The following C10orf90 variants were observed in gnomAD, a reference collection of about 807,000 sequenced individuals.
C10orf90 encodes chromosome 10 open reading frame 90, also known as (E2-independent) E3 ubiquitin-conjugating enzyme FATS.
C10orf90 carries 56 observed loss-of-function variants against 62.5 expected under a neutral mutation model. The observed-to-expected ratio is 0.90, with a 90% CI of 0.72 to 1.12. The LOEUF is 1.12. Among genes scored for constraint, C10orf90 ranks in the 50% most tolerant of loss-of-function variants. C10orf90 has a pLI of 0.00. For synonymous variants in C10orf90, 386 were observed against 340.4 expected (o/e 1.13, Z -1.47); for missense variants, 970 against 880.4 (o/e 1.10, Z -1.29).
chr10:126,659,530 T>C (rs756380935), intron 1 of C10orf90, among the ~76,000 whole-genome samples: 22 of 152,236 alleles, frequency 1.4e-4, no homozygotes, highest in Non-Finnish European at 3.1e-4. Context: ...CTCTAATACG[T>C]TATTATTCCT....
At chr10:126,487,607 G>A (rs935321507) in intron 4 of C10orf90, among the ~76,000 whole-genome samples, 1 of 152,116 alleles carries the variant, frequency 6.6e-6, no homozygotes, top group Admixed American at 6.5e-5. Context: ...GTAAAACAAA[G>A]ATGTTTTTAG....
intron 2 of C10orf90, among the ~76,000 whole-genome samples, chr10:126,620,743 GAA>G (rs35028354): frequency 9.6e-5 from 13 of 135,334 alleles, no homozygotes; most frequent in Non-Finnish European, 9.6e-5. Context: ...GTGGGGGCTA[GAA>G]AAAAAAAAAA....
At chr10:126,552,253 C>T (rs1864651674) in intron 2 of C10orf90, among the ~76,000 whole-genome samples, 1 of 152,142 alleles carries the variant, frequency 6.6e-6, no homozygotes, top group East Asian at 1.9e-4. Context: ...ATGTAGTATA[C>T]ACTCAATAAA....
At chr10:126,618,310 G>A (rs1182281969) in intron 2 of C10orf90, among the ~76,000 whole-genome samples, 5 of 152,156 alleles carry the variant, frequency 3.3e-5, no homozygotes, top group African/African-American at 1.2e-4. Context: ...AAAAAGATAT[G>A]CTGTTTTTAT....
chr10:126,588,544 G>A (rs1251724732), intron 2 of C10orf90, among the ~76,000 whole-genome samples: 1 of 152,214 alleles, frequency 6.6e-6, no homozygotes, highest in African/African-American at 2.4e-5. Flanking sequence ...GGGAGGGACA[G>A]AGGCAACTAG....
chr10:126,618,775 T>C (rs1845590106), intron 2 of C10orf90, among the ~76,000 whole-genome samples: 1 of 152,220 alleles, frequency 6.6e-6, no homozygotes, highest in African/African-American at 2.4e-5. Flanking sequence ...CTTCCACTCC[T>C]CGTTCCCATC....
chr10:126,501,945 ACACACACACACACCACATATACAC>A (rs1183147264), intron 4 of C10orf90, among the ~76,000 whole-genome samples: 1 of 150,986 alleles, frequency 6.6e-6, no homozygotes, highest in East Asian at 1.9e-4. Context: ...AGGGATAAAC[ACACACACACACACCACATATACAC>A]CACACACACA....
intron 2 of C10orf90, among the ~76,000 whole-genome samples, chr10:126,558,049 C>T (rs1864818821): frequency 6.6e-6 from 1 of 152,190 alleles, no homozygotes; most frequent in East Asian, 1.9e-4. Context: ...ATCCTCTTCA[C>T]TCTCCAGGCC....
intron 4 of C10orf90, among the ~76,000 whole-genome samples, chr10:126,474,411 A>G (rs1860748223): frequency 6.6e-6 from 1 of 152,234 alleles, no homozygotes; most frequent in Non-Finnish European, 1.5e-5. Flanking sequence ...AACAAGAATA[A>G]GAACAAACAA....
At chr10:126,624,527 GC>G (rs1441893996) in intron 2 of C10orf90, among the ~76,000 whole-genome samples, 1 of 152,166 alleles carries the variant, frequency 6.6e-6, no homozygotes, top group Non-Finnish European at 1.5e-5. Context: ...TGCTAAAAAG[GC>G]TAAGAACCAG....
intron 2 of C10orf90, among the ~76,000 whole-genome samples, chr10:126,636,251 C>T (rs887769483): frequency 1.3e-5 from 2 of 152,086 alleles, no homozygotes; most frequent in Non-Finnish European, 2.9e-5. Flanking sequence ...AACAATGACC[C>T]CTCACACGTG....
chr10:126,565,270 ATATATTATAT>A (rs1440995960), intron 2 of C10orf90, among the ~76,000 whole-genome samples: 1 of 72,494 alleles, frequency 1.4e-5, no homozygotes, highest in Non-Finnish European at 2.4e-5. Flanking sequence ...TATTTATATT[ATATATTATAT>A]TATATATTAT....
At chr10:126,637,110 T>A (rs985235949) in intron 2 of C10orf90, among the ~76,000 whole-genome samples, 1 of 152,096 alleles carries the variant, frequency 6.6e-6, no homozygotes, top group Admixed American at 6.5e-5. Flanking sequence ...TAAGCCCAAC[T>A]TGGACTTCTG....
At chr10:126,511,757 G>T (rs1433718692) in intron 3 of C10orf90, among the ~76,000 whole-genome samples, 1 of 152,130 alleles carries the variant, frequency 6.6e-6, no homozygotes, top group Admixed American at 6.5e-5. Context: ...ATGTTAAAAT[G>T]CTGGGGAAAA....
chr10:126,646,708 A>C, intron 1 of C10orf90, 71 bp from the exon 2 acceptor site: 1 of 328,976 alleles, frequency 3.0e-6, no homozygotes, highest in East Asian at 9.9e-5. Context: ...TTAATAATGT[A>C]CATTATTTTT....
chr10:126,451,172 C>G (rs900564942), intron 7 of C10orf90, among the ~76,000 whole-genome samples: 2 of 152,034 alleles, frequency 1.3e-5, no homozygotes, highest in Admixed American at 6.6e-5. Context: ...TGGCTATTAT[C>G]AAAGACAAAC....
At position 126,504,880 on chromosome 10, in the gene C10orf90, A is replaced by G. The variant is rs750830790; in HGVS notation, c.611T>C (p.Leu204Ser). ...CTCATCTGACGGTGCCGGGATTCCT[A>G]ATCTGCCCGGAAGTAACGCAAATGC... ...HRAFALLPGR[L>S]GIPAPSDERG... The change falls in exon 4 of 10, where the codon TTA becomes TCA. Residue 204 changes from leucine to serine, a missense_variant. Transcript: ENST00000488181. The surrounding 1 kb of genome is among the most constrained non-coding windows in gnomAD (Gnocchi z 4.1). 153 of 1,613,932 alleles carry G rather than the reference A, an allele frequency of 9.5e-5. 1 individual carries two copies. The South Asian group carries it at 1.6e-3, about 17-fold the overall frequency.
At chr10:126,643,412 T>C (rs1564906343) in intron 2 of C10orf90, among the ~76,000 whole-genome samples, 1 of 152,162 alleles carries the variant, frequency 6.6e-6, no homozygotes, top group Admixed American at 6.5e-5. Flanking sequence ...CCTCCCAAGC[T>C]GGAGATTCTA....
chr10:126,460,003 C>T (rs148921258), intron 6 of C10orf90, among the ~76,000 whole-genome samples: 3 of 152,320 alleles, frequency 2.0e-5, no homozygotes, highest in Non-Finnish European at 2.9e-5. Flanking sequence ...AAAACTGAGG[C>T]TCATGGTAGT....
Sources: gnomAD v4.1 joint callset for allele counts (sites outside exome capture counted in the v4.1 genomes callset) on GRCh38, gnomAD v4.1.1 for gene constraint, Gnocchi (gnomAD v3.1) non-coding constraint, MANE v1.5 for transcripts, NCBI Gene and HGNC (gene_info 2026-07-23, HGNC 2026-07-21) for gene names.